VDAC1: variants seen among roughly 807,000 people sequenced by gnomAD.
VDAC1 encodes the protein voltage dependent anion channel 1.
In VDAC1, 10 loss-of-function variants were observed where a neutral mutation model predicts 34.7. The observed-to-expected ratio is 0.29, with a 90% CI of 0.18 to 0.49. The LOEUF (loss-of-function observed/expected upper bound fraction) is 0.49, where lower values mean the gene tolerates loss of function less well. Ranked by LOEUF, VDAC1 falls within the 20% of genes least tolerant of loss-of-function variation. VDAC1 has a pLI of 0.99. For missense variants in VDAC1, 230 were observed against 347.9 expected, an observed-to-expected ratio of 0.66 and a Z score of 2.69; for synonymous variants, 130 against 136.0, an observed-to-expected ratio of 0.96 and a Z score of 0.30.
chr5:134,080,365 G>C, the VDAC1 span, among the ~76,000 whole-genome samples: 1 of 152,236 alleles, frequency 6.6e-6, no homozygotes, highest in African/African-American at 2.4e-5. Flanking sequence ...CTCTGGGCCA[G>C]AAAAGCTGGC....
chr5:134,034,012 G>T, the VDAC1 span, among the ~76,000 whole-genome samples: 1 of 151,768 alleles, frequency 6.6e-6, no homozygotes, highest in Non-Finnish European at 1.5e-5. Context: ...GAAAAGAACC[G>T]AAATATATTA....
At chr5:134,075,366 T>C in the VDAC1 span, among the ~76,000 whole-genome samples, 1 of 152,206 alleles carries the variant, frequency 6.6e-6, no homozygotes, top group Non-Finnish European at 1.5e-5. Flanking sequence ...TTCACACTGC[T>C]ATTTACAATA....
chr5:133,999,734 T>C (rs1008395124), intron 1 of VDAC1, among the ~76,000 whole-genome samples: 1 of 152,204 alleles, frequency 6.6e-6, no homozygotes, highest in Non-Finnish European at 1.5e-5. Context: ...ATCCACAGCT[T>C]TGCAAATGAT....
At chr5:134,055,197 G>T in the VDAC1 span, among the ~76,000 whole-genome samples, 1 of 152,198 alleles carries the variant, frequency 6.6e-6, no homozygotes. Context: ...CCCCCAGGAA[G>T]CCACAGGGGT....
chr5:133,983,824 CAAT>C (rs1175152084), intron 5 of VDAC1, among the ~76,000 whole-genome samples: 3 of 152,068 alleles, frequency 2.0e-5, no homozygotes, highest in African/African-American at 7.2e-5. Flanking sequence ...GCTGTCCTCC[CAAT>C]AATGAGTTAT....
the VDAC1 span, among the ~76,000 whole-genome samples, chr5:134,041,611 C>T: frequency 1.3e-5 from 2 of 152,198 alleles, no homozygotes; most frequent in Admixed American, 6.5e-5. Flanking sequence ...ATGGTGGGAC[C>T]GAGCTGGTGG....
chr5:133,979,349 G>C (rs1323813026), intron 6 of VDAC1, among the ~76,000 whole-genome samples: 5 of 149,706 alleles, frequency 3.3e-5, no homozygotes, highest in African/African-American at 9.8e-5. Context: ...TATGCATGTG[G>C]TATGTTTCCT....
chr5:134,007,069 C>T (rs1014907056), upstream of VDAC1, among the ~76,000 whole-genome samples: 3 of 151,914 alleles, frequency 2.0e-5, no homozygotes, highest in Non-Finnish European at 4.4e-5. Context: ...CATGGAGAAA[C>T]CCCGTCTCTA....
At position 133,980,625 on chromosome 5, in the gene VDAC1, G is replaced by A. The variant is rs1318947847; in HGVS notation, c.551+104C>T. 9.2e-6 allele frequency: 9 copies of A among 978,644 alleles called. No homozygotes were observed. In the East Asian group the frequency reaches 2.4e-4, roughly 26 times the overall value. The allele number at this position is 978,644 out of a possible 1,614,324, so 60.6% of individuals were successfully genotyped here. ...ACTCACTTTACAGTGGTTAAAAACT[G>A]GGCTTTCTTAAAAAAAAAAAAAAAA... is the stretch of plus-strand genomic sequence containing the variant. On this transcript the variant is annotated intron_variant, in intron 6 of 8. Coordinates refer to ENST00000265333, the MANE Select transcript of VDAC1 (RefSeq NM_003374.3).
chr5:133,977,148 A>T (rs1752512310), intron 6 of VDAC1, among the ~76,000 whole-genome samples: 1 of 152,244 alleles, frequency 6.6e-6, no homozygotes. Context: ...ATGCCTCAGA[A>T]GGCAAGTTAG....
the VDAC1 span, among the ~76,000 whole-genome samples, chr5:134,040,026 T>C: frequency 6.6e-6 from 1 of 152,110 alleles, no homozygotes; most frequent in Non-Finnish European, 1.5e-5. Context: ...ACCCCAAAAT[T>C]GGGCCCTTCC....
intron 2 of VDAC1, among the ~76,000 whole-genome samples, chr5:133,992,644 T>C (rs892276775): frequency 2.0e-5 from 3 of 152,254 alleles, no homozygotes; most frequent in Non-Finnish European, 2.9e-5. Flanking sequence ...CTCGTGGGCA[T>C]GTGCCTAAGC....
At chr5:134,007,253 A>AG (rs888549360), upstream of VDAC1, among the ~76,000 whole-genome samples, 5 of 151,154 alleles carry the variant, frequency 3.3e-5, no homozygotes, top group Admixed American at 6.6e-5. Context: ...AAAAAAAAAA[A>AG]AAAAGAAAAA....
the VDAC1 span, among the ~76,000 whole-genome samples, chr5:134,055,159 TG>T: frequency 6.6e-6 from 1 of 152,278 alleles, no homozygotes; most frequent in East Asian, 1.9e-4. Flanking sequence ...GGAGACAGGC[TG>T]GCAGCTCTGG....
chr5:134,090,211 G>A, the VDAC1 span, among the ~76,000 whole-genome samples: 2 of 152,102 alleles, frequency 1.3e-5, no homozygotes, highest in Non-Finnish European at 2.9e-5. Context: ...GCCCTTCCCA[G>A]GCCCCAGGAG....
chr5:134,001,641 C>T (rs911137125), intron 1 of VDAC1, among the ~76,000 whole-genome samples: 3 of 150,120 alleles, frequency 2.0e-5, no homozygotes, highest in South Asian at 2.1e-4. Flanking sequence ...TGCTTGAACC[C>T]GAGAGGTAGA....
At chr5:133,978,325 CAG>C (rs33929715) in intron 6 of VDAC1, among the ~76,000 whole-genome samples, 2,301 of 152,092 alleles carry the variant, frequency 0.015, 54 homozygotes, top group African/African-American at 0.053. Flanking sequence ...TTCTTAGAGA[CAG>C]AGTATTTCTA....
the VDAC1 span, among the ~76,000 whole-genome samples, chr5:134,089,760 C>T: frequency 2.0e-5 from 3 of 151,996 alleles, no homozygotes; most frequent in East Asian, 1.9e-4. Flanking sequence ...GAGGCCAAGG[C>T]GGGTGGATCA....
At chr5:134,101,058 T>C in the VDAC1 span, among the ~76,000 whole-genome samples, 1 of 152,236 alleles carries the variant, frequency 6.6e-6, no homozygotes, top group Non-Finnish European at 1.5e-5. Context: ...CTGATTTCTG[T>C]TGCTTGCAAG....
Sources: allele counts gnomAD v4.1 joint callset (sites outside exome capture counted in the v4.1 genomes callset), GRCh38; gene constraint gnomAD v4.1.1; transcripts MANE v1.5; gene names NCBI Gene and HGNC (gene_info 2026-07-23, HGNC 2026-07-21).